EPHA6: variants seen among roughly 807,000 people sequenced by gnomAD.
The protein encoded by EPHA6 is EPH receptor A6, also known as ephrin type-A receptor 6.
A neutral mutation model predicts 112.0 loss-of-function variants in EPHA6; 50 were observed. The ratio of observed to expected loss-of-function variants is 0.45; its 90% CI spans 0.36 to 0.56. The LOEUF (loss-of-function observed/expected upper bound fraction) is 0.56. EPHA6 is among the 20% of genes least tolerant of loss of function. The pLI, the probability that EPHA6 is intolerant of heterozygous loss-of-function variation, is 0.00. For missense variants in EPHA6, 1,280 were observed against 1,417.4 expected (o/e 0.90, Z 1.56); for synonymous variants, 529 against 490.7 (o/e 1.08, Z -1.03).
chr3:97,320,823 T>TAAA lies in EPHA6; in HGVS notation c.1606+76542_1606+76544dup, dbSNP rs1436490113. Among the ~76,000 whole-genome samples the TAAA allele has an allele frequency of 6.2e-5, 5 of 80,816 alleles. 1 individual carries two copies. Among genetic ancestry groups the TAAA allele is most frequent in the Non-Finnish European group, 1.3e-4 (4 of 30,968 alleles). The allele number at this position is 80,816 out of a possible 152,430, so 53.0% of individuals were successfully genotyped here. The stretch of plus-strand genomic sequence containing the variant: ...TTCTGTGTTCTCTGGGGGCAAAAAA[T>TAAA]AAAAAAAATAAAAAAAAAGGGATGA... On this transcript the variant is annotated intron_variant, in intron 5 of 17. Coordinates refer to ENST00000389672, the MANE Select transcript of EPHA6 (RefSeq NM_001080448.3).
At position 97,749,338 on chromosome 3, in the gene EPHA6, T is replaced by G. The variant is rs2107913335; in HGVS notation, c.*637T>G. ...AAAAAAATACTGTGTTTATAAATCT[T>G]CTGAGGCTGGGTTTGTCAATTTTTT... On this transcript the variant is annotated 3_prime_UTR_variant, in exon 18 of 18. Transcript: ENST00000389672. The G allele has an allele frequency of 9.4e-6, 2 of 212,760 alleles. No homozygotes were observed. The highest frequency in any genetic ancestry group is 1.9e-4 in the South Asian group (1 of 5,368). 13.2% of individuals were successfully genotyped at this position (212,760 alleles called of 1,614,324 possible).
In EPHA6 at chr3:97,637,967, A is replaced by G; in HGVS notation, c.2669A>G (p.His890Arg). The change falls in exon 14 of 18, where the codon CAT (histidine) becomes CGT (arginine). Residue 890 changes from histidine (H) to arginine (R), a missense_variant. By Grantham distance (29) the His-to-Arg change is conservative. This residue lies in a region of EPHA6 where 878 missense variants were observed against 999.7 expected (regional missense o/e 0.88). Coordinates refer to ENST00000389672, the MANE Select transcript of EPHA6 (RefSeq NM_001080448.3). ...MKYLSDMGYV[H>R]RDLAARNILV... ...TATCTTTCTGATATGGGTTATGTTC[A>G]TCGAGACCTAGCGGCTCGGAATATA... 6.2e-7 allele frequency: 1 copy of G among 1,613,960 alleles called. No individual in the cohort carries two copies. Among genetic ancestry groups the G allele is most frequent in the Non-Finnish European group, 8.5e-7 (1 of 1,179,840 alleles).
intron 5 of EPHA6, among the ~76,000 whole-genome samples, chr3:97,395,552 TACCC>T (rs1379029139): frequency 5.3e-5 from 8 of 151,772 alleles, no homozygotes; most frequent in Non-Finnish European, 1.0e-4. Flanking sequence ...TTTGCAATTA[TACCC>T]GTTAGTTCAT....
chr3:97,604,535 CATA>C (rs2093666016), intron 12 of EPHA6, among the ~76,000 whole-genome samples: 1 of 151,474 alleles, frequency 6.6e-6, no homozygotes, highest in Admixed American at 6.6e-5. Flanking sequence ...AGTGTGCAAA[CATA>C]ATAATACAGA....
At chr3:97,103,485 C>T (rs1398388870) in intron 3 of EPHA6, among the ~76,000 whole-genome samples, 1 of 152,020 alleles carries the variant, frequency 6.6e-6, no homozygotes, top group East Asian at 1.9e-4. Context: ...TTATCCTATT[C>T]CATTGGTCTA....
At chr3:96,962,689 C>T (rs1021154811) in intron 2 of EPHA6, among the ~76,000 whole-genome samples, 5 of 151,190 alleles carry the variant, frequency 3.3e-5, no homozygotes, top group Admixed American at 2.0e-4. Context: ...CAGAAACAGC[C>T]TTATATAAAG....
intron 11 of EPHA6, among the ~76,000 whole-genome samples, chr3:97,541,733 T>G (rs1375523147): frequency 1.3e-5 from 2 of 148,466 alleles, no homozygotes; most frequent in East Asian, 1.9e-4. Flanking sequence ...TTTTGTTTTT[T>G]TTTTTTTGTT....
At chr3:97,504,634 G>T (rs1177105923) in intron 10 of EPHA6, among the ~76,000 whole-genome samples, 1 of 152,040 alleles carries the variant, frequency 6.6e-6, no homozygotes, top group African/African-American at 2.4e-5. Context: ...GTGCTTTCAG[G>T]CTGTTCTTTT....
chr3:97,454,996 A>T (rs1341023665), intron 7 of EPHA6, among the ~76,000 whole-genome samples: 1 of 151,990 alleles, frequency 6.6e-6, no homozygotes. Context: ...TCAATAGCAC[A>T]CTTTCAACAT....
intron 6 of EPHA6, among the ~76,000 whole-genome samples, chr3:97,445,594 G>A (rs2090314567): frequency 6.6e-6 from 1 of 151,852 alleles, no homozygotes; most frequent in South Asian, 2.1e-4. Flanking sequence ...AGAATGTGCT[G>A]ATAATGAGTT....
chr3:97,568,165 C>T (rs967939194), intron 11 of EPHA6, among the ~76,000 whole-genome samples: 4 of 151,912 alleles, frequency 2.6e-5, no homozygotes, highest in Admixed American at 6.6e-5. Flanking sequence ...CTCTTAATAG[C>T]GAGAATGATT....
intron 7 of EPHA6, among the ~76,000 whole-genome samples, chr3:97,461,518 C>G (rs941475962): frequency 6.6e-6 from 1 of 152,088 alleles, no homozygotes; most frequent in Admixed American, 6.6e-5. Context: ...GGTTAGAGCT[C>G]AATAAATGAT....
chr3:96,849,943 T>TA (rs1426271085), intron 1 of EPHA6, among the ~76,000 whole-genome samples: 1 of 152,182 alleles, frequency 6.6e-6, no homozygotes, highest in Admixed American at 6.6e-5. Context: ...TATATTACGT[T>TA]ACAGGATTTT....
chr3:96,926,370 A>C (rs986006247), intron 2 of EPHA6, among the ~76,000 whole-genome samples: 2 of 152,136 alleles, frequency 1.3e-5, no homozygotes, highest in Non-Finnish European at 2.9e-5. Flanking sequence ...ACAGAACCAG[A>C]TCATATCATT....
At chr3:96,923,073 C>T (rs940751361) in intron 2 of EPHA6, among the ~76,000 whole-genome samples, 1 of 152,084 alleles carries the variant, frequency 6.6e-6, no homozygotes, top group African/African-American at 2.4e-5. Flanking sequence ...CATGTCTTTG[C>T]TCTTGTGAAT....
At chr3:97,249,984 GT>G (rs1302151691) in intron 5 of EPHA6, among the ~76,000 whole-genome samples, 3 of 152,188 alleles carry the variant, frequency 2.0e-5, no homozygotes, top group Non-Finnish European at 4.4e-5. Flanking sequence ...ACTAAACAGA[GT>G]AAGTGATTTG....
In EPHA6 at chr3:97,351,534, C is replaced by T. The variant is rs115698435; in HGVS notation, c.1607-53616C>T. Among the ~76,000 whole-genome samples, 1,406 of 152,142 alleles carry T rather than the reference C, an allele frequency of 9.2e-3. 21 individuals carry two copies. The highest frequency in any genetic ancestry group is 0.032 in the African/African-American group (1,340 of 41,520). Reference sequence around the variant, plus strand: ...TCATATTCAATTTTTGTATGTTGTACGGCGAGGGAAATTATTAATAGGAAC... The same window carrying T: ...TCATATTCAATTTTTGTATGTTGTATGGCGAGGGAAATTATTAATAGGAAC... On this transcript the variant is annotated intron_variant, in intron 5 of 17. Coordinates refer to ENST00000389672, the MANE Select transcript of EPHA6 (RefSeq NM_001080448.3).
chr3:97,515,862 T>G (rs2092440062), intron 10 of EPHA6, among the ~76,000 whole-genome samples: 1 of 152,078 alleles, frequency 6.6e-6, no homozygotes, highest in South Asian at 2.1e-4. Flanking sequence ...GTTTGAAATA[T>G]GTGTGATTTG....
intron 14 of EPHA6, among the ~76,000 whole-genome samples, chr3:97,711,063 G>A (rs1026673861): frequency 2.0e-5 from 3 of 152,156 alleles, no homozygotes; most frequent in East Asian, 1.9e-4. Flanking sequence ...GAATTCCCAC[G>A]TGTTGTGGGA....
Sources: gnomAD v4.1 joint callset for allele counts (sites outside exome capture counted in the v4.1 genomes callset) on GRCh38, gnomAD v4.1.1 for gene constraint, gnomAD v4.1.1 regional missense constraint, MANE v1.5 for transcripts, NCBI Gene and HGNC (gene_info 2026-07-23, HGNC 2026-07-21) for gene names.